PLXND1: variants seen among roughly 807,000 people sequenced by gnomAD.
PLXND1 encodes plexin-D1.
Under a neutral mutation model 197.7 loss-of-function variants are expected in PLXND1, and 54 were observed. That is an observed-to-expected ratio of 0.27 (90% confidence interval 0.22 to 0.34). The LOEUF (loss-of-function observed/expected upper bound fraction) is 0.34, where lower values mean the gene tolerates loss of function less well. Ranked by LOEUF, PLXND1 falls within the 10% of genes least tolerant of loss-of-function variation. The probability of loss-of-function intolerance (pLI) is 1.00; values close to 1 mark genes in which losing one functional copy is unlikely to be tolerated. For missense variants in PLXND1, 2,127 were observed against 2,699.2 expected (o/e 0.79, Z 4.70); for synonymous variants, 1,180 against 1,161.2 (o/e 1.02, Z -0.33).
rs1343169671 is a variant in PLXND1 at position 129,571,554 on chromosome 3, C to T, written c.3291G>A (p.Val1097=). The change falls in exon 17 of 36, where the codon GTG becomes GTA. Residue 1097 remains valine (V), a synonymous_variant. Transcript: ENST00000324093. ...GGTGGACGGCCATGGACACATTCTGCACCATGTGGAAACGCTCACCAGCCA... is the reference window on the plus strand; with the variant it reads ...GGTGGACGGCCATGGACACATTCTGTACCATGTGGAAACGCTCACCAGCCA... ...ITVAGERFHM[V]QNVSMAVHHI... is the part of the protein sequence containing the mutation. 6.2e-7 allele frequency: 1 copy of T among 1,613,756 alleles called. No homozygotes were observed. Among genetic ancestry groups the T allele is most frequent in the South Asian group, 1.1e-5 (1 of 91,090 alleles).
intron 1 of PLXND1, among the ~76,000 whole-genome samples, chr3:129,596,954 G>A (rs1268271964): frequency 2.0e-5 from 3 of 152,196 alleles, no homozygotes; most frequent in Non-Finnish European, 2.9e-5. Context: ...GCCCACATCC[G>A]AGCTCAGAGG....
At chr3:129,599,621 T>C (rs2085678055) in intron 1 of PLXND1, among the ~76,000 whole-genome samples, 1 of 152,206 alleles carries the variant, frequency 6.6e-6, no homozygotes, top group South Asian at 2.1e-4. Context: ...ATGATCGCAT[T>C]TTCAGACAAA....
chr3:129,599,088 G>A (rs1442124460), intron 1 of PLXND1, among the ~76,000 whole-genome samples: 1 of 152,186 alleles, frequency 6.6e-6, no homozygotes, highest in East Asian at 1.9e-4. Context: ...CCAGGTAGGG[G>A]AAGGCACCAC....
chr3:129,565,251 A>T, intron 25 of PLXND1, 89 bp downstream of exon 25: 1 of 1,102,638 alleles, frequency 9.1e-7, no homozygotes, highest in South Asian at 1.3e-5. Flanking sequence ...TGAGGGTGCC[A>T]GGGAAGGCCT....
intron 1 of PLXND1, among the ~76,000 whole-genome samples, chr3:129,594,184 G>A (rs952526701): frequency 6.6e-6 from 1 of 152,226 alleles, no homozygotes; most frequent in Non-Finnish European, 1.5e-5. Flanking sequence ...CGGCTGCGGA[G>A]GCTTTGCACT....
In PLXND1 at chr3:129,574,440, C is replaced by T. The variant is rs930085185; in HGVS notation, c.2581G>A (p.Gly861Ser). 1 of 1,613,056 alleles carries T rather than the reference C, an allele frequency of 6.2e-7. No homozygotes were observed. Among genetic ancestry groups the T allele is most frequent in the African/African-American group, 1.3e-5 (1 of 74,948 alleles). ...CACAGGTGACCCAGGTCTTCGCGGC[C>T]CAGGCACTGGGAACAGTCGGGGCTG... ...MGSPDCSQCL[G>S]REDLGHLCMW... is the part of the protein sequence containing the mutation. The change falls in exon 12 of 36, where the codon GGC becomes AGC. Residue 861 changes from glycine to serine, a missense_variant. Physicochemically the swap from Gly to Ser is moderately conservative, Grantham distance 56. Coordinates refer to ENST00000324093, the MANE Select transcript of PLXND1 (RefSeq NM_015103.3).
chr3:129,564,855 T>G (rs994122786), intron 25 of PLXND1, among the ~76,000 whole-genome samples: 1 of 152,204 alleles, frequency 6.6e-6, no homozygotes, highest in African/African-American at 2.4e-5. Flanking sequence ...CTCACTCTCT[T>G]AGGTCTCAGC....
intron 1 of PLXND1, among the ~76,000 whole-genome samples, chr3:129,603,326 G>A (rs1344293578): frequency 6.6e-6 from 1 of 152,216 alleles, no homozygotes; most frequent in Non-Finnish European, 1.5e-5. Flanking sequence ...GTGAGTCACT[G>A]CACCGAGGGA....
chr3:129,560,881 A>T (rs1174450745), intron 29 of PLXND1, 158 bp from the exon 30 acceptor site: 1 of 692,218 alleles, frequency 1.4e-6, no homozygotes, highest in Non-Finnish European at 2.7e-6. Flanking sequence ...AGAAACGGAG[A>T]CAGAGATCCA....
intron 22 of PLXND1, among the ~76,000 whole-genome samples, chr3:129,566,885 A>G (rs371340262): frequency 3.8e-4 from 58 of 152,384 alleles, no homozygotes; most frequent in African/African-American, 1.3e-3. Context: ...AAACTGAGGC[A>G]GAAAGGCTGG....
chr3:129,587,508 C>T (rs775515324), intron 2 of PLXND1, among the ~76,000 whole-genome samples: 1 of 152,166 alleles, frequency 6.6e-6, no homozygotes, highest in African/African-American at 2.4e-5. Context: ...TTTTGCCTGG[C>T]CCTGCCTGTT....
rs1011962064 is a variant in PLXND1, at chr3:129,557,627, C to T, written c.5446-404G>A. Among the ~76,000 whole-genome samples the T allele has an allele frequency of 2.0e-5, 3 of 152,128 alleles. No homozygotes were observed. Among genetic ancestry groups the T allele is most frequent in the African/African-American group, 7.2e-5 (3 of 41,420 alleles). On this transcript the variant is annotated intron_variant, in intron 33 of 35. Coordinates refer to ENST00000324093, the MANE Select transcript of PLXND1 (RefSeq NM_015103.3). This position sits in a 1 kb window ranked among gnomAD's most constrained non-coding sequence, Gnocchi z 4.8. ...AGTGCTGGCTCAGTGGAATATTTCCCACCACATGCTCCTAACGCCTGAAAG... is the reference window on the plus strand; with the variant it reads ...AGTGCTGGCTCAGTGGAATATTTCCTACCACATGCTCCTAACGCCTGAAAG...
intron 25 of PLXND1, among the ~76,000 whole-genome samples, chr3:129,564,817 A>G (rs562898891): frequency 1.4e-4 from 22 of 152,242 alleles, no homozygotes; most frequent in African/African-American, 3.9e-4. Context: ...CGATGCCTGG[A>G]GCACCCTCCC....
chr3:129,601,412 A>AGTTGTGG (rs2085706281), intron 1 of PLXND1, among the ~76,000 whole-genome samples: 1 of 152,050 alleles, frequency 6.6e-6, no homozygotes, highest in Non-Finnish European at 1.5e-5. Flanking sequence ...CAGGCTCTGG[A>AGTTGTGG]GTTGTGGGCG....
In PLXND1 at chr3:129,605,449, T is replaced by A. The variant is rs1447616646; in HGVS notation, c.1191A>T (p.Arg397=). ...ALCAFRFADV[R]AAIRAARTAC... is the part of the protein sequence containing the mutation. ...CGGTGCGCGCAGCTCGGATGGCGGC[T>A]CGCACGTCGGCGAAGCGGAAGGCGC... Residue 397 remains arginine (R), a synonymous_variant, in exon 1 of 36, where the codon CGA becomes CGT. Coordinates refer to ENST00000324093, the MANE Select transcript of PLXND1 (RefSeq NM_015103.3). The A allele has an allele frequency of 2.0e-6, 3 of 1,501,940 alleles. No individual in the cohort carries two copies. Among genetic ancestry groups the A allele is most frequent in the Non-Finnish European group, 2.6e-6 (3 of 1,133,022 alleles). The allele number at this position is 1,501,940 out of a possible 1,614,324, so 93.0% of individuals were successfully genotyped here.
At position 129,575,475 on chromosome 3, in the gene PLXND1, T is replaced by C. The variant is rs1578329127; in HGVS notation, c.2524A>G (p.Met842Val). The C allele has an allele frequency of 1.3e-6, 2 of 1,551,212 alleles. No homozygotes were observed. The highest frequency in any genetic ancestry group is 1.7e-6 in the Non-Finnish European group (2 of 1,146,286). The change falls in exon 11 of 36, where the codon ATG becomes GTG. Residue 842 changes from methionine to valine, a missense_variant. Around this residue, in one of 6 missense-constraint regions of PLXND1, gnomAD observed 1,095 missense variants for 1,259.8 expected, o/e 0.87. Transcript: ENST00000324093. ...PARFLDSPEP[M>V]TVMVYNCAMG... ...GGCGGGTGGGGGTGCCCACCTGTCA[T>C]GGGCTCAGGGCTGTCCAGGAATCGG...
At chr3:129,595,921 G>GCACACA (rs57098603) in intron 1 of PLXND1, among the ~76,000 whole-genome samples, 6,768 of 146,040 alleles carry the variant, frequency 0.046, 334 homozygotes, top group East Asian at 0.29. Context: ...GTGCACGCAC[G>GCACACA]CACACACACA....
chr3:129,562,655 G>T, intron 27 of PLXND1, 132 bp downstream of exon 27: 1 of 757,628 alleles, frequency 1.3e-6, no homozygotes, highest in Non-Finnish European at 2.1e-6. Flanking sequence ...TGCTGAGGGG[G>T]CCTCATTGGA....
chr3:129,569,671 G>GC (rs1284454488), intron 20 of PLXND1, 172 bp downstream of exon 20: 1 of 600,442 alleles, frequency 1.7e-6, no homozygotes, highest in African/African-American at 1.8e-5. Context: ...TGGTGCTGGA[G>GC]CCAGGGCACA....
Sources: allele counts gnomAD v4.1 joint callset (sites outside exome capture counted in the v4.1 genomes callset), GRCh38; gene constraint gnomAD v4.1.1; regional missense constraint gnomAD v4.1.1; non-coding constraint Gnocchi (gnomAD v3.1); transcripts MANE v1.5; gene names NCBI Gene and HGNC (gene_info 2026-07-23, HGNC 2026-07-21).